Variants in SLC30A5 observed in about 807,000 individuals in gnomAD.
The protein encoded by SLC30A5 is proton-coupled zinc antiporter SLC30A5.
SLC30A5 carries 33 observed loss-of-function variants against 79.6 expected under a neutral mutation model. That is an observed-to-expected ratio of 0.41 (90% CI 0.31 to 0.55). The LOEUF (loss-of-function observed/expected upper bound fraction) is 0.55, where lower values mean the gene tolerates loss of function less well. SLC30A5 is among the 20% of genes least tolerant of loss of function. The probability of loss-of-function intolerance (pLI) is 0.20; values close to 1 mark genes in which losing one functional copy is unlikely to be tolerated. For missense variants in SLC30A5, 788 were observed against 928.1 expected (o/e 0.85, Z 1.96); for synonymous variants, 299 against 319.7 (o/e 0.94, Z 0.69).
intron 11 of SLC30A5, among the ~76,000 whole-genome samples, chr5:69,117,736 G>A (rs1297716397): frequency 6.6e-6 from 1 of 151,772 alleles, no homozygotes; most frequent in Non-Finnish European, 1.5e-5. Flanking sequence ...AATTAGCCGG[G>A]TATGGTGGCA....
chr5:69,124,368 G>A (rs1038500868), intron 14 of SLC30A5, among the ~76,000 whole-genome samples: 2 of 152,096 alleles, frequency 1.3e-5, no homozygotes, highest in African/African-American at 4.8e-5. Context: ...AGACCCAGGA[G>A]TTTATGGAAT....
At position 69,108,343 on chromosome 5, in the gene SLC30A5, T is replaced by C; in HGVS notation, c.360-6T>C. The C allele has an allele frequency of 1.2e-6, 2 of 1,603,958 alleles. No individual in the cohort carries two copies. Among genetic ancestry groups the C allele is most frequent in the African/African-American group, 1.3e-5 (1 of 74,842 alleles). ...TTTCATAAATGATAATGTTTTATTT[T>C]TGTAGGACTTTGCTGCTATTTGAGC... On this transcript the variant is annotated splice_polypyrimidine_tract_variant and splice_region_variant and intron_variant, in intron 4 of 15. Transcript: ENST00000396591.
At chr5:69,113,287 AC>A (rs1346171421) in intron 6 of SLC30A5, 60 bp downstream of exon 6, 1 of 1,278,614 alleles carries the variant, frequency 7.8e-7, no homozygotes, top group African/African-American at 1.5e-5. Flanking sequence ...GAAGCCTGGA[AC>A]AATGGAAAAA....
chr5:69,099,701 A>G (rs1303645534), intron 1 of SLC30A5, among the ~76,000 whole-genome samples: 6 of 152,236 alleles, frequency 3.9e-5, no homozygotes. Flanking sequence ...AAGGCCAAGG[A>G]GGCGCAAACC....
intron 3 of SLC30A5, 78 bp from the exon 4 acceptor site, chr5:69,104,551 TTC>T: frequency 6.9e-7 from 1 of 1,439,180 alleles, no homozygotes; most frequent in Non-Finnish European, 9.2e-7. Flanking sequence ...ATTATTATCT[TTC>T]TGTATTTTAT....
At chr5:69,098,371 CA>C (rs1745807726) in intron 1 of SLC30A5, among the ~76,000 whole-genome samples, 1 of 152,038 alleles carries the variant, frequency 6.6e-6, no homozygotes, top group African/African-American at 2.4e-5. Context: ...ACTAAAAATA[CA>C]AAAATTAGCC....
rs576148637 is a variant in SLC30A5, at chr5:69,129,497, G to A, written c.2178G>A (p.Val726=). The change falls in exon 16 of 16, where the codon GTG becomes GTA. Residue 726 remains valine, a synonymous_variant. Transcript: ENST00000396591. ...GAGTAAACAATTTAACAATTCAAGT[G>A]GAAAAGGAGGCATACTTTCAACATA... ...DAGVNNLTIQ[V]EKEAYFQHMS... The A allele has an allele frequency of 3.1e-6, 5 of 1,613,318 alleles. No homozygotes were observed. The East Asian group carries it at 8.9e-5, about 29-fold the overall frequency.
rs1241073983 is a variant in SLC30A5, at chr5:69,115,319, G to C, written c.695G>C (p.Gly232Ala). ...TCCAGAAAGCTCTCTGTCGACGTTGGTGGAGCTAAACGTCTTCAAGCTTTA... is the reference window on the plus strand; with the variant it reads ...TCCAGAAAGCTCTCTGTCGACGTTGCTGGAGCTAAACGTCTTCAAGCTTTA... ...TASRKLSVDV[G>A]GAKRLQALSH... Residue 232 changes from glycine (G) to alanine (A), a missense_variant, in exon 8 of 16, where the codon GGT becomes GCT. Coordinates refer to ENST00000396591, the MANE Select transcript of SLC30A5 (RefSeq NM_022902.5). The C allele has an allele frequency of 6.2e-7, 1 of 1,613,828 alleles. No homozygotes were observed. The highest frequency in any genetic ancestry group is 1.7e-5 in the Admixed American group (1 of 59,966).
intron 11 of SLC30A5, among the ~76,000 whole-genome samples, chr5:69,118,108 C>T (rs1166303514): frequency 1.3e-4 from 19 of 144,068 alleles, no homozygotes; most frequent in African/African-American, 4.6e-4. Context: ...ACCCAGGAGG[C>T]GGAGCTTTCA....
intron 1 of SLC30A5, among the ~76,000 whole-genome samples, chr5:69,096,881 G>A (rs966132686): frequency 6.6e-6 from 1 of 151,658 alleles, no homozygotes; most frequent in African/African-American, 2.4e-5. Flanking sequence ...GATCACTTGA[G>A]CCTGGGAGGT....
At chr5:69,120,538 T>C (rs923803140) in intron 12 of SLC30A5, among the ~76,000 whole-genome samples, 5 of 152,226 alleles carry the variant, frequency 3.3e-5, no homozygotes, top group Non-Finnish European at 7.3e-5. Flanking sequence ...TTTCATCTTC[T>C]ACATTTTTAT....
At position 69,116,968 on chromosome 5, in the gene SLC30A5, T is replaced by G. The variant is rs1440412753; in HGVS notation, c.1282-271T>G. On this transcript the variant is annotated intron_variant, in intron 10 of 15. Transcript: ENST00000396591. This position sits in a 1 kb window ranked among gnomAD's most constrained non-coding sequence, Gnocchi z 4.0. ...TATTGCTAACATTTTATAACCTAGT[T>G]TATTATTTTTATAGACATATAAACA... 6.6e-6 allele frequency among the ~76,000 whole-genome samples: 1 copy of G among 152,218 alleles called. No homozygotes were observed. The highest frequency in any genetic ancestry group is 1.5e-5 in the Non-Finnish European group (1 of 68,034).
intron 1 of SLC30A5, among the ~76,000 whole-genome samples, chr5:69,098,887 A>G (rs1199949560): frequency 1.3e-5 from 2 of 152,178 alleles, no homozygotes; most frequent in Non-Finnish European, 1.5e-5. Context: ...ACCAAAATAA[A>G]CCTTTGTTTA....
Position 69,123,276 on chromosome 5 carries a change from G to C in SLC30A5, c.1849G>C (p.Gly617Arg). ...ATCCACAGTTCTTATAGAGCAGTTT[G>C]GATGGTTCATCGCTGACCCACTCTG... ...IVSTVLIEQF[G>R]WFIADPLCSL... Residue 617 changes from glycine (G) to arginine (R), a missense_variant, in exon 14 of 16, where the codon GGA becomes CGA. Gly to Arg is a moderately radical substitution (Grantham distance 125, BLOSUM62 -2). This residue lies in a region of SLC30A5 where 626 missense variants were observed against 755.5 expected (regional missense o/e 0.83). Transcript: ENST00000396591. The C allele has an allele frequency of 3.1e-6, 5 of 1,613,972 alleles. No homozygotes were observed. Among genetic ancestry groups the C allele is most frequent in the Non-Finnish European group, 4.2e-6 (5 of 1,179,970 alleles).
chr5:69,114,088 C>A (rs1746301367), intron 6 of SLC30A5, among the ~76,000 whole-genome samples: 1 of 152,162 alleles, frequency 6.6e-6, no homozygotes, highest in African/African-American at 2.4e-5. Context: ...TGCTCTTGTA[C>A]CTTTGTCGTT....
intron 1 of SLC30A5, among the ~76,000 whole-genome samples, chr5:69,095,196 C>CTTTTTTTTT (rs371189827): frequency 4.5e-5 from 5 of 112,310 alleles, no homozygotes; most frequent in Non-Finnish European, 6.9e-5. Flanking sequence ...TATAACGTAA[C>CTTTTTTTTT]TTTTTTTTTT....
chr5:69,097,016 CA>C (rs916371048), intron 1 of SLC30A5, among the ~76,000 whole-genome samples: 3 of 144,746 alleles, frequency 2.1e-5, no homozygotes, highest in Admixed American at 1.4e-4. Flanking sequence ...CCAACAACAA[CA>C]AAAAAAAAGT....
In SLC30A5 at chr5:69,123,269, G is replaced by C. The variant is rs1340193876; in HGVS notation, c.1842G>C (p.Glu614Asp). ...IGVIVSTVLI[E>D]QFGWFIADPL... ...TGATCGTATCCACAGTTCTTATAGA[G>C]CAGTTTGGATGGTTCATCGCTGACC... is the stretch of plus-strand genomic sequence containing the variant. The change falls in exon 14 of 16, where the codon GAG becomes GAC. Residue 614 changes from glutamate (E) to aspartate (D), a missense_variant. By Grantham distance (45) the Glu-to-Asp change is conservative. Transcript: ENST00000396591. The C allele has an allele frequency of 1.1e-5, 17 of 1,613,870 alleles. No individual in the cohort carries two copies. The highest frequency in any genetic ancestry group is 1.4e-5 in the Non-Finnish European group (17 of 1,179,982).
intron 15 of SLC30A5, 116 bp downstream of exon 15, chr5:69,128,248 CT>C: frequency 2.2e-6 from 1 of 463,270 alleles, no homozygotes; most frequent in African/African-American, 3.3e-5. Flanking sequence ...AATCTTCCAA[CT>C]CTTTTTTTTT....
Sources: allele counts gnomAD v4.1 joint callset (sites outside exome capture counted in the v4.1 genomes callset), GRCh38; gene constraint gnomAD v4.1.1; regional missense constraint gnomAD v4.1.1; non-coding constraint Gnocchi (gnomAD v3.1); transcripts MANE v1.5; gene names NCBI Gene and HGNC (gene_info 2026-07-23, HGNC 2026-07-21).